The following SUSD4 variants were observed in gnomAD, a reference collection of about 807,000 sequenced individuals.
SUSD4 encodes the protein sushi domain-containing protein 4.
A neutral mutation model predicts 50.5 loss-of-function variants in SUSD4; 41 were observed. The ratio of observed to expected loss-of-function variants is 0.81; its 90% CI spans 0.63 to 1.05. The LOEUF (loss-of-function observed/expected upper bound fraction) is 1.05, where lower values mean the gene tolerates loss of function less well. Among genes scored for constraint, SUSD4 ranks in the 50% least tolerant of loss-of-function variants. The pLI, the probability that SUSD4 is intolerant of heterozygous loss-of-function variation, is 0.00. For synonymous variants in SUSD4, 257 were observed against 257.3 expected (o/e 1.00, Z 0.01); for missense variants, 580 against 634.7 (o/e 0.91, Z 0.93).
chr1:223,326,388 A>C (rs1666877824), intron 2 of SUSD4, among the ~76,000 whole-genome samples: 1 of 152,222 alleles, frequency 6.6e-6, no homozygotes, highest in Non-Finnish European at 1.5e-5. Flanking sequence ...GAAACCATAA[A>C]AATTCTAGAA....
intron 4 of SUSD4, 95 bp downstream of exon 4, chr1:223,268,407 A>T (rs542371294): frequency 2.0e-6 from 3 of 1,465,472 alleles, no homozygotes; most frequent in East Asian, 4.8e-5. Flanking sequence ...TTCGCCCATC[A>T]TCTCTATCAC....
At chr1:223,359,246 T>G in intron 2 of SUSD4, 1 of 419,938 alleles carries the variant, frequency 2.4e-6, no homozygotes, top group East Asian at 7.2e-5. Flanking sequence ...CTTCTAGGAC[T>G]TTTACAATAA....
chr1:223,227,967 A>T lies in SUSD4; in HGVS notation c.917-229T>A, dbSNP rs1241501854. On this transcript the variant is annotated intron_variant, in intron 6 of 8. Coordinates refer to ENST00000366878, the MANE Select transcript of SUSD4 (RefSeq NM_017982.4). The surrounding 1 kb of genome is among the most constrained non-coding windows in gnomAD (Gnocchi z 4.5). ...TCCAGCATGGGCTCTGCCAGGTTGCAGACCTGCATGCTCACATTCCAGTCC... is the reference window on the plus strand; with the variant it reads ...TCCAGCATGGGCTCTGCCAGGTTGCTGACCTGCATGCTCACATTCCAGTCC... 1.3e-5 allele frequency among the ~76,000 whole-genome samples: 2 copies of T among 152,240 alleles called. No homozygotes were observed. The highest frequency in any genetic ancestry group is 4.8e-5 in the African/African-American group (2 of 41,470).
intron 3 of SUSD4, among the ~76,000 whole-genome samples, chr1:223,288,122 A>G (rs951864761): frequency 6.6e-6 from 1 of 152,210 alleles, no homozygotes; most frequent in Non-Finnish European, 1.5e-5. Context: ...CCCAAATTTC[A>G]TCTAGAATTG....
At chr1:223,328,987 A>C (rs1047671462) in intron 2 of SUSD4, among the ~76,000 whole-genome samples, 1 of 152,218 alleles carries the variant, frequency 6.6e-6, no homozygotes, top group Non-Finnish European at 1.5e-5. Context: ...AGGGCCAAGA[A>C]AGCAAAAATT....
intron 5 of SUSD4, among the ~76,000 whole-genome samples, chr1:223,260,461 C>G: frequency 6.6e-6 from 1 of 152,208 alleles, no homozygotes; most frequent in Middle Eastern, 3.4e-3. Flanking sequence ...TGTGTGTGCA[C>G]GCACATGAAA....
chr1:223,268,414 T>C, intron 4 of SUSD4, 88 bp downstream of exon 4: 2 of 1,481,602 alleles, frequency 1.3e-6, no homozygotes, highest in Non-Finnish European at 1.8e-6. Flanking sequence ...ATCATCTCTA[T>C]CACTTTATTA....
chr1:223,285,702 G>A (rs1398701083), intron 3 of SUSD4, among the ~76,000 whole-genome samples: 2 of 152,146 alleles, frequency 1.3e-5, no homozygotes, highest in African/African-American at 4.8e-5. Flanking sequence ...AATATGGATG[G>A]AGCTGGAGGC....
intron 2 of SUSD4, among the ~76,000 whole-genome samples, chr1:223,300,294 G>A (rs1665100288): frequency 6.6e-6 from 1 of 152,178 alleles, no homozygotes; most frequent in Non-Finnish European, 1.5e-5. Context: ...TCTCAATGAA[G>A]GCTGAGATCC....
chr1:223,305,724 G>A (rs183251745), intron 2 of SUSD4, among the ~76,000 whole-genome samples: 150 of 152,246 alleles, frequency 9.9e-4, no homozygotes, highest in African/African-American at 3.4e-3. Flanking sequence ...CATATAGCAC[G>A]ATATACTATT....
At chr1:223,350,149 C>A (rs1668275625) in intron 2 of SUSD4, among the ~76,000 whole-genome samples, 1 of 152,188 alleles carries the variant, frequency 6.6e-6, no homozygotes, top group Non-Finnish European at 1.5e-5. Flanking sequence ...AGAACTATGA[C>A]AAAATTTAAT....
intron 3 of SUSD4, among the ~76,000 whole-genome samples, chr1:223,279,221 A>C (rs994557697): frequency 1.3e-5 from 2 of 152,254 alleles, no homozygotes; most frequent in African/African-American, 4.8e-5. Flanking sequence ...AGCTGGATGG[A>C]GAATGACTTT....
chr1:223,229,079 C>T lies in SUSD4; in HGVS notation c.916+118G>A. The stretch of plus-strand genomic sequence containing the variant: ...ACCCGCAATGATATGTTTCGATATC[C>T]TGTTCCTGACACTGGGTGGGGGAGG... On this transcript the variant is annotated intron_variant, in intron 6 of 8. Transcript: ENST00000366878. The surrounding 1 kb of genome is among the most constrained non-coding windows in gnomAD (Gnocchi z 4.7). 2 of 1,067,552 alleles carry T rather than the reference C, an allele frequency of 1.9e-6. No individual in the cohort carries two copies. The highest frequency in any genetic ancestry group is 2.7e-6 in the Non-Finnish European group (2 of 741,908). 66.1% of individuals were successfully genotyped at this position (1,067,552 alleles called of 1,614,324 possible). A position where few individuals can be genotyped will look rare whatever the true frequency, so the allele number is the denominator to read the frequency against.
At chr1:223,286,595 G>A (rs1481215315) in intron 3 of SUSD4, among the ~76,000 whole-genome samples, 1 of 152,234 alleles carries the variant, frequency 6.6e-6, no homozygotes, top group South Asian at 2.1e-4. Context: ...AAAAGGTTGT[G>A]GGGAGCATCA....
chr1:223,302,511 C>T (rs1665260337), intron 2 of SUSD4, among the ~76,000 whole-genome samples: 1 of 152,166 alleles, frequency 6.6e-6, no homozygotes, highest in African/African-American at 2.4e-5. Context: ...TGTGTGCCTG[C>T]ACCAACAACA....
intron 5 of SUSD4, among the ~76,000 whole-genome samples, chr1:223,258,107 C>T (rs1661829030): frequency 6.6e-6 from 1 of 152,178 alleles, no homozygotes; most frequent in South Asian, 2.1e-4. Context: ...GTTCCCTACA[C>T]AGGATTCACT....
At chr1:223,259,669 C>A (rs543543656) in intron 5 of SUSD4, among the ~76,000 whole-genome samples, 1 of 152,302 alleles carries the variant, frequency 6.6e-6, no homozygotes, top group Non-Finnish European at 1.5e-5. Flanking sequence ...TTTCCTGCAA[C>A]CGCTCATAAC....
At chr1:223,312,535 TA>T (rs1665941254) in intron 2 of SUSD4, among the ~76,000 whole-genome samples, 1 of 152,182 alleles carries the variant, frequency 6.6e-6, no homozygotes, top group African/African-American at 2.4e-5. Context: ...TGACCGTATC[TA>T]AAAACAGAGG....
rs934153574 is a variant in SUSD4 at position 223,236,330 on chromosome 1, C to A, written c.725-6942G>T. On this transcript the variant is annotated intron_variant, in intron 5 of 8. Coordinates refer to ENST00000366878, the MANE Select transcript of SUSD4 (RefSeq NM_017982.4). ...CTCATTCTGTTAACATTGTCTTTTG[C>A]AGAACAGAAGTTGTTAATTTTAATG... Among the ~76,000 whole-genome samples the A allele has an allele frequency of 1.1e-4, 17 of 152,224 alleles. No homozygotes were observed. In the East Asian group the frequency reaches 3.3e-3, roughly 29 times the overall value.
Sources: allele counts gnomAD v4.1 joint callset (sites outside exome capture counted in the v4.1 genomes callset), GRCh38; gene constraint gnomAD v4.1.1; non-coding constraint Gnocchi (gnomAD v3.1); transcripts MANE v1.5; gene names NCBI Gene and HGNC (gene_info 2026-07-23, HGNC 2026-07-21).